PARP15: variants seen among roughly 807,000 people sequenced by gnomAD.
PARP15 encodes the protein protein mono-ADP-ribosyltransferase PARP15.
In PARP15, 50 loss-of-function variants were observed where a neutral mutation model predicts 62.1. The ratio of observed to expected loss-of-function variants is 0.81; its 90% confidence interval spans 0.64 to 1.02. The LOEUF is 1.02. Ranked by LOEUF, PARP15 falls within the 50% of genes least tolerant of loss-of-function variation. The pLI is 0.00. For missense variants in PARP15, 820 were observed against 826.5 expected (o/e 0.99, Z 0.10); for synonymous variants, 309 against 293.1 (o/e 1.05, Z -0.55).
chr3:122,620,124 G>C (rs986333273), intron 7 of PARP15, among the ~76,000 whole-genome samples: 1 of 152,138 alleles, frequency 6.6e-6, no homozygotes, highest in Non-Finnish European at 1.5e-5. Flanking sequence ...AGCGATCCTA[G>C]GCACGTCATC....
chr3:122,634,663 A>ATGAC (rs1314493794), intron 10 of PARP15, among the ~76,000 whole-genome samples: 2 of 152,238 alleles, frequency 1.3e-5, no homozygotes, highest in Non-Finnish European at 1.5e-5. Context: ...TGGCTATTGA[A>ATGAC]TGACTACAAA....
intron 8 of PARP15, among the ~76,000 whole-genome samples, chr3:122,624,591 C>A (rs922513671): frequency 2.6e-5 from 4 of 152,172 alleles, no homozygotes; most frequent in Non-Finnish European, 4.4e-5. Context: ...ATAATGTCTT[C>A]ACCTGGTTAT....
intron 4 of PARP15, chr3:122,614,965 G>GGCT: frequency 1.6e-6 from 1 of 641,850 alleles, no homozygotes; most frequent in Non-Finnish European, 1.9e-6. Flanking sequence ...AGGGGGTTGA[G>GGCT]GCTGCAGTGA....
intron 2 of PARP15, among the ~76,000 whole-genome samples, chr3:122,607,053 A>C (rs898676314): frequency 6.6e-6 from 1 of 152,218 alleles, no homozygotes; most frequent in African/African-American, 2.4e-5. Context: ...CCTTGTCCTC[A>C]AATCAGCAGG....
intron 10 of PARP15, among the ~76,000 whole-genome samples, chr3:122,633,562 C>T (rs542350091): frequency 1.3e-5 from 2 of 151,812 alleles, no homozygotes; most frequent in African/African-American, 4.8e-5. Context: ...TCATTATTCC[C>T]TAAACAATAT....
chr3:122,602,848 A>G (rs1934901372), intron 1 of PARP15, among the ~76,000 whole-genome samples: 1 of 152,326 alleles, frequency 6.6e-6, no homozygotes, highest in South Asian at 2.1e-4. Flanking sequence ...GACTTGTTCC[A>G]TTAGTTGAGG....
At position 122,619,873 on chromosome 3, in the gene PARP15, A is replaced by AAT. The variant is rs1936230280; in HGVS notation, c.1063+30_1063+31insAT. 10 of 1,580,386 alleles carry AAT rather than the reference A, an allele frequency of 6.3e-6. 1 individual carries two copies. In the South Asian group the frequency reaches 1.1e-4, roughly 17 times the overall value. On this transcript the variant is annotated intron_variant, in intron 7 of 11. Transcript: ENST00000464300. ...GGGCACATGTTACTTTTGACTACAA[A>AAT]CTTGAAAATCAGAGGGCTGAGATTA...
chr3:122,599,405 C>T (rs1335747770), intron 1 of PARP15, among the ~76,000 whole-genome samples: 1 of 151,888 alleles, frequency 6.6e-6, no homozygotes, highest in Admixed American at 6.6e-5. Context: ...ATGTATAGAT[C>T]TAAATCCTTC....
chr3:122,638,028 C>T lies in PARP15; in HGVS notation c.*1928C>T, dbSNP rs1007461060. 1 of 152,140 alleles carries T rather than the reference C, an allele frequency of 6.6e-6. No homozygotes were observed. The highest frequency in any genetic ancestry group is 2.4e-5 in the African/African-American group (1 of 41,444). 9.4% of individuals were successfully genotyped at this position (152,140 alleles called of 1,614,324 possible). On this transcript the variant is annotated 3_prime_UTR_variant, in exon 12 of 12. Transcript: ENST00000464300. ...TGTGTTCTCATTGTTCAATTCCCAC[C>T]TGTGAGTGAGAACATGTGGTGTTTG... is the stretch of plus-strand genomic sequence containing the variant.
intron 2 of PARP15, among the ~76,000 whole-genome samples, chr3:122,607,979 A>G (rs1935268691): frequency 6.6e-6 from 1 of 152,020 alleles, no homozygotes; most frequent in South Asian, 2.1e-4. Context: ...TCACTGTTTG[A>G]TATATATTCC....
intron 7 of PARP15, among the ~76,000 whole-genome samples, chr3:122,620,724 TG>T (rs1297521333): frequency 1.4e-4 from 3 of 21,180 alleles, no homozygotes; most frequent in African/African-American, 5.6e-4. Context: ...GGAGGCTGCC[TG>T]GGAGGGGAGG....
intron 1 of PARP15, among the ~76,000 whole-genome samples, chr3:122,589,418 G>T (rs775272259): frequency 1.3e-5 from 2 of 152,176 alleles, no homozygotes; most frequent in Non-Finnish European, 2.9e-5. Flanking sequence ...CTGTGTGGAC[G>T]TATGTTTTCA....
chr3:122,610,225 C>T (rs1265441923), intron 2 of PARP15, among the ~76,000 whole-genome samples: 2 of 152,138 alleles, frequency 1.3e-5, no homozygotes, highest in Admixed American at 1.3e-4. Context: ...TGGTCTCTGA[C>T]TCATTTTCAT....
chr3:122,597,015 C>T (rs1286690469), intron 1 of PARP15, among the ~76,000 whole-genome samples: 1 of 152,160 alleles, frequency 6.6e-6, no homozygotes, highest in Non-Finnish European at 1.5e-5. Flanking sequence ...AACAAAATAC[C>T]TTAGACCAGG....
chr3:122,618,953 A>G (rs1246004091), intron 6 of PARP15, among the ~76,000 whole-genome samples: 1 of 152,250 alleles, frequency 6.6e-6, no homozygotes, highest in Non-Finnish European at 1.5e-5. Context: ...TTCACAGCAA[A>G]GACAGAGACC....
chr3:122,616,664 G>A (rs1322763184), intron 5 of PARP15, among the ~76,000 whole-genome samples: 1 of 152,074 alleles, frequency 6.6e-6, no homozygotes. Flanking sequence ...TAGCAGTGTT[G>A]TCTGCAAGAA....
chr3:122,608,123 T>C (rs867970672), intron 2 of PARP15, among the ~76,000 whole-genome samples: 5 of 152,168 alleles, frequency 3.3e-5, no homozygotes, highest in Middle Eastern at 6.8e-3. Flanking sequence ...TCCCAGCCGC[T>C]CTTCTCACTA....
At chr3:122,616,906 G>A in intron 5 of PARP15, 109 bp from the exon 6 acceptor site, 1 of 1,287,276 alleles carries the variant, frequency 7.8e-7, no homozygotes, top group Non-Finnish European at 1.1e-6. Flanking sequence ...GGTTTATGTT[G>A]GGGGAAAAGA....
At chr3:122,598,061 G>A (rs1934494932) in intron 1 of PARP15, among the ~76,000 whole-genome samples, 1 of 152,008 alleles carries the variant, frequency 6.6e-6, no homozygotes, top group Non-Finnish European at 1.5e-5. Context: ...ATATTTACAT[G>A]TTTTTTGTTA....
Sources: gnomAD v4.1 joint callset for allele counts (sites outside exome capture counted in the v4.1 genomes callset) on GRCh38, gnomAD v4.1.1 for gene constraint, MANE v1.5 for transcripts, NCBI Gene and HGNC (gene_info 2026-07-23, HGNC 2026-07-21) for gene names.